THSD7A: variants seen among roughly 807,000 people sequenced by gnomAD.
The protein encoded by THSD7A is thrombospondin type-1 domain-containing protein 7A.
Under a neutral mutation model 231.3 loss-of-function variants are expected in THSD7A, and 96 were observed. The ratio of observed to expected loss-of-function variants is 0.41; its 90% confidence interval spans 0.35 to 0.49. THSD7A has a LOEUF of 0.49. Among genes scored for constraint, THSD7A ranks in the 20% least tolerant of loss-of-function variants. The pLI is 0.05. For missense variants in THSD7A, 2,290 were observed against 2,070.2 expected, an observed-to-expected ratio of 1.11 and a Z score of -2.06; for synonymous variants, 940 against 743.3, an observed-to-expected ratio of 1.26 and a Z score of -4.30.
intron 1 of THSD7A, among the ~76,000 whole-genome samples, chr7:11,766,226 A>G (rs935557105): frequency 2.6e-5 from 4 of 152,118 alleles, no homozygotes; most frequent in African/African-American, 9.7e-5. Flanking sequence ...TATTTCCTAT[A>G]AGTTAGATAA....
chr7:11,802,118 T>C (rs1366896092), intron 1 of THSD7A, among the ~76,000 whole-genome samples: 1 of 152,130 alleles, frequency 6.6e-6, no homozygotes, highest in Non-Finnish European at 1.5e-5. Context: ...GGTTTTAGAG[T>C]ATGAGAAATT....
At chr7:11,508,058 C>A (rs1446235514) in intron 6 of THSD7A, among the ~76,000 whole-genome samples, 1 of 151,986 alleles carries the variant, frequency 6.6e-6, no homozygotes, top group African/African-American at 2.4e-5. Context: ...GGAAAAACTG[C>A]CATTTATAAA....
chr7:11,689,929 G>T (rs951441369), intron 1 of THSD7A, among the ~76,000 whole-genome samples: 1 of 151,504 alleles, frequency 6.6e-6, no homozygotes, highest in African/African-American at 2.4e-5. Context: ...TTACTACAAG[G>T]CTGCCAAATT....
intron 13 of THSD7A, among the ~76,000 whole-genome samples, chr7:11,430,620 C>G (rs145016230): frequency 9.8e-4 from 148 of 151,692 alleles, no homozygotes; most frequent in African/African-American, 3.4e-3. Flanking sequence ...TGCCCACCAC[C>G]ATGCCAGGCG....
chr7:11,712,437 T>C (rs1366020889), intron 1 of THSD7A, among the ~76,000 whole-genome samples: 1 of 151,026 alleles, frequency 6.6e-6, no homozygotes, highest in Non-Finnish European at 1.5e-5. Flanking sequence ...AGTTTACAGA[T>C]TACACAGAAG....
chr7:11,799,354 T>C (rs1784216376), intron 1 of THSD7A, among the ~76,000 whole-genome samples: 1 of 152,228 alleles, frequency 6.6e-6, no homozygotes, highest in African/African-American at 2.4e-5. Flanking sequence ...GCACTGATGT[T>C]CTTTTTATTT....
chr7:11,496,284 A>G (rs1027585564), intron 6 of THSD7A, among the ~76,000 whole-genome samples: 14 of 152,166 alleles, frequency 9.2e-5, no homozygotes, highest in Non-Finnish European at 1.9e-4. Context: ...AATGTCCCCA[A>G]CTTTATACTA....
chr7:11,521,106 C>T (rs1788243005), intron 6 of THSD7A, among the ~76,000 whole-genome samples: 1 of 152,138 alleles, frequency 6.6e-6, no homozygotes, highest in Non-Finnish European at 1.5e-5. Flanking sequence ...ATTTAAGGAA[C>T]ATAGTGATCA....
intron 6 of THSD7A, among the ~76,000 whole-genome samples, chr7:11,538,007 T>A (rs781734461): frequency 8.5e-5 from 13 of 152,308 alleles, no homozygotes; most frequent in Non-Finnish European, 1.8e-4. Context: ...CCGGTGACCT[T>A]CATTACTCTT....
At chr7:11,565,792 G>C (rs532630359) in intron 4 of THSD7A, among the ~76,000 whole-genome samples, 12 of 152,224 alleles carry the variant, frequency 7.9e-5, no homozygotes, top group Admixed American at 3.9e-4. Context: ...ATACAAAATT[G>C]CAAGTGACAG....
chr7:11,669,547 G>A (rs1783289816), intron 1 of THSD7A, among the ~76,000 whole-genome samples: 1 of 151,404 alleles, frequency 6.6e-6, no homozygotes, highest in African/African-American at 2.4e-5. Flanking sequence ...CATTGTTTGG[G>A]GAATTAGAGA....
chr7:11,725,394 A>G (rs1781513260), intron 1 of THSD7A, among the ~76,000 whole-genome samples: 1 of 151,946 alleles, frequency 6.6e-6, no homozygotes, highest in African/African-American at 2.4e-5. Context: ...TTTCAGAAAT[A>G]GTTTTCTGGA....
In THSD7A at chr7:11,406,209, T is replaced by A. The variant is rs372103536; in HGVS notation, c.4237+91A>T. 3.1e-5 allele frequency: 40 copies of A among 1,278,342 alleles called. No homozygotes were observed. The East Asian group carries it at 5.6e-4, about 18-fold the overall frequency. The allele number at this position is 1,278,342 out of a possible 1,614,324, so 79.2% of individuals were successfully genotyped here. On this transcript the variant is annotated intron_variant, in intron 22 of 27. Transcript: ENST00000423059. This position sits in a 1 kb window ranked among gnomAD's most constrained non-coding sequence, Gnocchi z 4.7. Reference sequence around the variant, plus strand: ...TTACTGAATAAGAAGACTGTTGACATCCTGTAACTTATACTTTATATGCAA... The same window carrying A: ...TTACTGAATAAGAAGACTGTTGACAACCTGTAACTTATACTTTATATGCAA...
chr7:11,398,578 AAAG>A (rs1562577973), intron 23 of THSD7A, among the ~76,000 whole-genome samples: 1 of 152,166 alleles, frequency 6.6e-6, no homozygotes. Flanking sequence ...CATATTAAGA[AAAG>A]AATATGTTCT....
chr7:11,613,816 A>C (rs941930820), intron 2 of THSD7A, among the ~76,000 whole-genome samples: 1 of 152,182 alleles, frequency 6.6e-6, no homozygotes, highest in Non-Finnish European at 1.5e-5. Context: ...TCTCCCCTGA[A>C]TTAACAATTA....
At chr7:11,721,489 C>G (rs1781350355) in intron 1 of THSD7A, among the ~76,000 whole-genome samples, 1 of 151,732 alleles carries the variant, frequency 6.6e-6, no homozygotes, top group Non-Finnish European at 1.5e-5. Flanking sequence ...CTGAGGCCTC[C>G]CCAACCATGT....
Position 11,590,560 on chromosome 7 carries a change from C to T in THSD7A, c.1353G>A (p.Gln451=). The T allele has an allele frequency of 6.2e-7, 1 of 1,613,920 alleles. No individual in the cohort carries two copies. The highest frequency in any genetic ancestry group is 8.5e-7 in the Non-Finnish European group (1 of 1,179,844). ...GGATGCCCCCTCCACAGAGGGCCGT[C>T]TGGTTGCCGCGCCTCTTGTCCTGCT... ...LSQQDKRRGN[Q]TALCGGGIQT... is the part of the protein sequence containing the mutation. The change falls in exon 4 of 28, where the codon CAG becomes CAA. Residue 451 remains glutamine, a synonymous_variant. Transcript: ENST00000423059. This position sits in a 1 kb window ranked among gnomAD's most constrained non-coding sequence, Gnocchi z 4.4.
rs144284284 is a variant in THSD7A, at chr7:11,583,867, T to G, written c.1453+6593A>C. ...GGACTCATGGAAGTAAGCATAAGTT[T>G]GAAACTAAAACCAATATGAATACAG... On this transcript the variant is annotated intron_variant, in intron 4 of 27. Transcript: ENST00000423059. 1.4e-3 allele frequency among the ~76,000 whole-genome samples: 219 copies of G among 152,302 alleles called. 2 individuals carry two copies. The highest frequency in any genetic ancestry group is 4.9e-3 in the African/African-American group (203 of 41,566).
intron 11 of THSD7A, among the ~76,000 whole-genome samples, chr7:11,452,806 C>T (rs533182349): frequency 1.7e-4 from 26 of 152,010 alleles, no homozygotes; most frequent in African/African-American, 4.1e-4. Flanking sequence ...CCCAAATTAA[C>T]GAGGATGCTA....
Sources: gnomAD v4.1 joint callset for allele counts (sites outside exome capture counted in the v4.1 genomes callset) on GRCh38, gnomAD v4.1.1 for gene constraint, Gnocchi (gnomAD v3.1) non-coding constraint, MANE v1.5 for transcripts, NCBI Gene and HGNC (gene_info 2026-07-23, HGNC 2026-07-21) for gene names.